Variants in NEBL observed in about 807,000 individuals in gnomAD.
NEBL encodes the protein LIM and SH3 protein 2.
Under a neutral mutation model 140.2 loss-of-function variants are expected in NEBL, and 122 were observed. That is an observed-to-expected ratio of 0.87 (90% CI 0.75 to 1.01). The LOEUF is 1.01. Ranked by LOEUF, NEBL falls within the 50% of genes least tolerant of loss-of-function variation. The probability of loss-of-function intolerance (pLI) is 0.00; values close to 1 mark genes in which losing one functional copy is unlikely to be tolerated. For missense variants in NEBL, 1,365 were observed against 1,231.3 expected, an observed-to-expected ratio of 1.11 and a Z score of -1.62; for synonymous variants, 436 against 398.9, an observed-to-expected ratio of 1.09 and a Z score of -1.11.
intron 11 of NEBL, among the ~76,000 whole-genome samples, chr10:20,849,712 T>C (rs1564381160): frequency 1.3e-5 from 2 of 152,196 alleles, no homozygotes; most frequent in South Asian, 2.1e-4. Context: ...CTCTGTTCTT[T>C]ATAAATTGCC....
intron 3 of NEBL, among the ~76,000 whole-genome samples, chr10:21,230,547 G>A (rs1283650045): frequency 6.6e-6 from 1 of 150,814 alleles, no homozygotes; most frequent in Non-Finnish European, 1.5e-5. Context: ...TGTTTTGAGA[G>A]AAAATGGAGG....
At position 20,888,209 on chromosome 10, in the gene NEBL, T is replaced by G; in HGVS notation, c.259-2A>C. 1 of 1,540,114 alleles carries G rather than the reference T, an allele frequency of 6.5e-7. No homozygotes were observed. On this transcript the variant is annotated splice_acceptor_variant, in intron 3 of 27. Transcript: ENST00000377122. LOFTEE classifies it high-confidence loss of function. ...TTTAATGGTGCCTTTGTATTTTGCC[T>G]GGGGGAAAAAAAAACAGGAAAAAAA... is the stretch of plus-strand genomic sequence containing the variant.
intron 8 of NEBL, among the ~76,000 whole-genome samples, chr10:20,858,839 T>C (rs752166265): frequency 6.6e-5 from 10 of 152,280 alleles, no homozygotes; most frequent in South Asian, 2.1e-4. Context: ...TTCCTTTATA[T>C]GTATTAAGTA....
intron 2 of NEBL, among the ~76,000 whole-genome samples, chr10:21,037,690 T>C (rs543298254): frequency 6.6e-6 from 1 of 151,950 alleles, no homozygotes. Flanking sequence ...TTACTCTACA[T>C]AAAATTTAAA....
chr10:20,816,135 G>GT (rs1320545705), intron 21 of NEBL, among the ~76,000 whole-genome samples: 1 of 152,114 alleles, frequency 6.6e-6, no homozygotes, highest in African/African-American at 2.4e-5. Flanking sequence ...ATTTTCAGAG[G>GT]TTGAGTTGTA....
chr10:21,094,306 TC>T (rs1837065748), intron 2 of NEBL, among the ~76,000 whole-genome samples: 1 of 151,788 alleles, frequency 6.6e-6, no homozygotes, highest in Admixed American at 6.6e-5. Context: ...ATCGAGACCA[TC>T]CTGGCTAATA....
At chr10:21,100,984 C>T (rs1273403039) in intron 2 of NEBL, among the ~76,000 whole-genome samples, 1 of 152,144 alleles carries the variant, frequency 6.6e-6, no homozygotes, top group Non-Finnish European at 1.5e-5. Context: ...TTCACGGGAA[C>T]ATTTTGTGGC....
At chr10:20,819,627 GATC>G in intron 19 of NEBL, 111 bp from the exon 20 acceptor site, 1 of 1,306,032 alleles carries the variant, frequency 7.7e-7, no homozygotes, top group Non-Finnish European at 1.1e-6. Flanking sequence ...TCATTAATAA[GATC>G]ATCATCAGGA....
chr10:20,968,510 C>A (rs530217930), intron 3 of NEBL, among the ~76,000 whole-genome samples: 7 of 152,126 alleles, frequency 4.6e-5, no homozygotes, highest in Admixed American at 2.6e-4. Context: ...GACCCCATCT[C>A]TAAAATAATT....
chr10:21,104,055 C>T (rs900277523), intron 2 of NEBL, among the ~76,000 whole-genome samples: 1 of 152,186 alleles, frequency 6.6e-6, no homozygotes, highest in African/African-American at 2.4e-5. Flanking sequence ...TGAAAGAATT[C>T]TCCTCACCCA....
upstream of NEBL, chr10:21,174,531 T>G (rs1453945115): frequency 6.6e-6 from 1 of 152,302 alleles, no homozygotes; most frequent in African/African-American, 2.4e-5. Flanking sequence ...CACCCAAATG[T>G]CGCGGGGAGT....
At chr10:21,245,808 G>A (rs1842509422) in intron 3 of NEBL, among the ~76,000 whole-genome samples, 1 of 152,164 alleles carries the variant, frequency 6.6e-6, no homozygotes, top group Non-Finnish European at 1.5e-5. Context: ...CCATTCTCCT[G>A]CCTCAGCCTC....
chr10:20,869,683 T>C, intron 6 of NEBL, 57 bp downstream of exon 6: 1 of 1,184,376 alleles, frequency 8.4e-7, no homozygotes, highest in Non-Finnish European at 1.3e-6. Context: ...AAGCTATGCT[T>C]TGCCTCCTAC....
chr10:21,234,012 TAGATAGATAGATAGATAGATAGATAG>T (rs757276169), intron 3 of NEBL, among the ~76,000 whole-genome samples: 3,993 of 125,688 alleles, frequency 0.032, 158 homozygotes, highest in South Asian at 0.13. Context: ...GATTGTGAGA[TAGATAGATAGATAGATAGATAGATAG>T]ATAGATAGAT....
At position 20,808,697 on chromosome 10, in the gene NEBL, T is replaced by C. The variant is rs370475180; in HGVS notation, c.2612-38A>G. Reference sequence around the variant, plus strand: ...GAAAATATTTACACGTGTGATTAAGTGACTCGAAAAACAAAATCAACAAAA... The same window carrying C: ...GAAAATATTTACACGTGTGATTAAGCGACTCGAAAAACAAAATCAACAAAA... On this transcript the variant is annotated intron_variant, in intron 25 of 27. Transcript: ENST00000377122. 14 of 1,592,652 alleles carry C rather than the reference T, an allele frequency of 8.8e-6. No individual in the cohort carries two copies. In the African/African-American group the frequency reaches 1.9e-4, roughly 21 times the overall value.
chr10:21,151,671 A>G lies in NEBL; in HGVS notation c.164+20712T>C, dbSNP rs78074189. Among the ~76,000 whole-genome samples, 254 of 151,488 alleles carry G rather than the reference A, an allele frequency of 1.7e-3. 4 individuals are homozygous for G. The East Asian group carries it at 0.045, about 27-fold the overall frequency. Reference sequence around the variant, plus strand: ...GTCCCCAGGCCCCTTCCTCCTTTCCACACAGGCTTCCTGCCTGGATTGCTT... The same window carrying G: ...GTCCCCAGGCCCCTTCCTCCTTTCCGCACAGGCTTCCTGCCTGGATTGCTT... On this transcript the variant is annotated intron_variant, in intron 2 of 6. Coordinates refer to the NEBL transcript ENST00000417816.
intron 3 of NEBL, among the ~76,000 whole-genome samples, chr10:21,232,208 G>C (rs921459254): frequency 6.6e-6 from 1 of 151,996 alleles, no homozygotes; most frequent in African/African-American, 2.4e-5. Flanking sequence ...CAAGGTTAGA[G>C]AGCAAAGTAG....
chr10:21,235,984 C>A (rs1371459538), intron 3 of NEBL, among the ~76,000 whole-genome samples: 1 of 152,176 alleles, frequency 6.6e-6, no homozygotes, highest in Non-Finnish European at 1.5e-5. Flanking sequence ...GTTGCACAGT[C>A]TTATGGCCCC....
chr10:20,965,083 G>A (rs781239200), intron 3 of NEBL, among the ~76,000 whole-genome samples: 2 of 152,160 alleles, frequency 1.3e-5, no homozygotes, highest in African/African-American at 2.4e-5. Flanking sequence ...TTCTATCAAG[G>A]AAAGAGCATT....
Sources: allele counts gnomAD v4.1 joint callset (sites outside exome capture counted in the v4.1 genomes callset), GRCh38; gene constraint gnomAD v4.1.1; transcripts MANE v1.5; gene names NCBI Gene and HGNC (gene_info 2026-07-23, HGNC 2026-07-21).